Variants in PCDH15 observed in about 807,000 individuals in gnomAD.
The protein encoded by PCDH15 is protocadherin related 15.
Under a neutral mutation model 178.5 loss-of-function variants are expected in PCDH15, and 129 were observed. The ratio of observed to expected loss-of-function variants is 0.72; its 90% CI spans 0.63 to 0.84. The LOEUF (loss-of-function observed/expected upper bound fraction) is 0.84, where lower values mean the gene tolerates loss of function less well. Ranked by LOEUF, PCDH15 falls within the 40% of genes least tolerant of loss-of-function variation. PCDH15 has a pLI of 0.00. For synonymous variants in PCDH15, 800 were observed against 732.0 expected, an observed-to-expected ratio of 1.09 and a Z score of -1.50; for missense variants, 2,230 against 2,099.9, an observed-to-expected ratio of 1.06 and a Z score of -1.21.
At chr10:54,346,281 GAATAATAC>G in intron 6 of PCDH15, 76 bp downstream of exon 6, 1 of 1,346,786 alleles carries the variant, frequency 7.4e-7, no homozygotes, top group Non-Finnish European at 1.0e-6. Context: ...GGAAGTTACT[GAATAATAC>G]AATAACTATC....
At chr10:54,662,118 C>A (rs988978987) in intron 2 of PCDH15, among the ~76,000 whole-genome samples, 7 of 151,714 alleles carry the variant, frequency 4.6e-5, no homozygotes, top group African/African-American at 1.5e-4. Flanking sequence ...AAACAGACAA[C>A]CTATAGTATG....
chr10:54,369,306 A>G lies in PCDH15; in HGVS notation c.319-31T>C, dbSNP rs11594958. ...ATGTAGAAATTGCATCTTTTAAAAT[A>G]CTAATTAAAAACAAAGCTTCTCATC... is the stretch of plus-strand genomic sequence containing the variant. On this transcript the variant is annotated intron_variant, in intron 4 of 37. Transcript: ENST00000644397. 0.19 allele frequency: 311,135 copies of G among 1,602,738 alleles called. 30,982 individuals are homozygous for G. The highest frequency in any genetic ancestry group is 0.24 in the Middle Eastern group (1,434 of 5,966).
intron 2 of PCDH15, among the ~76,000 whole-genome samples, chr10:55,436,830 C>T (rs960952): frequency 0.77 from 117,015 of 152,142 alleles, 46,301 homozygotes; most frequent in East Asian, 1. Context: ...TAAGTGGGAG[C>T]ATTTACTGTG....
intron 3 of PCDH15, among the ~76,000 whole-genome samples, chr10:54,479,309 T>A (rs112730193): frequency 0.015 from 2,215 of 152,104 alleles, 65 homozygotes; most frequent in African/African-American, 0.051. Flanking sequence ...AGTCCTTTAG[T>A]GATGCTGCAT....
intron 2 of PCDH15, among the ~76,000 whole-genome samples, chr10:55,349,241 C>T (rs1194354289): frequency 6.6e-6 from 1 of 152,130 alleles, no homozygotes; most frequent in Non-Finnish European, 1.5e-5. Context: ...TCTACCTTTC[C>T]TAATCACCAG....
chr10:54,671,453 T>C (rs1453783792), intron 1 of PCDH15, among the ~76,000 whole-genome samples: 2 of 152,126 alleles, frequency 1.3e-5, no homozygotes, highest in Non-Finnish European at 1.5e-5. Context: ...ATAATAAAAG[T>C]CCTGGCTCTG....
At chr10:54,284,839 G>A (rs1307558467) in intron 8 of PCDH15, among the ~76,000 whole-genome samples, 1 of 152,098 alleles carries the variant, frequency 6.6e-6, no homozygotes, top group Non-Finnish European at 1.5e-5. Context: ...TTAATCAGGA[G>A]TAGAGTCTCT....
chr10:55,539,339 T>C (rs557657372), intron 2 of PCDH15, among the ~76,000 whole-genome samples: 2 of 152,122 alleles, frequency 1.3e-5, no homozygotes, highest in East Asian at 3.9e-4. Context: ...CATTTTACTA[T>C]CATTATCATC....
chr10:54,180,232 A>G (rs767677941), intron 13 of PCDH15, among the ~76,000 whole-genome samples: 1 of 152,224 alleles, frequency 6.6e-6, no homozygotes, highest in Non-Finnish European at 1.5e-5. Flanking sequence ...GGCTTTTTGA[A>G]AAAATCAAGT....
At chr10:55,292,704 C>A (rs972217002) in intron 1 of PCDH15, among the ~76,000 whole-genome samples, 1 of 152,094 alleles carries the variant, frequency 6.6e-6, no homozygotes, top group Non-Finnish European at 1.5e-5. Context: ...CCTTAAAGCT[C>A]GAAAATGATC....
intron 2 of PCDH15, among the ~76,000 whole-genome samples, chr10:54,974,363 G>A (rs1839014704): frequency 6.6e-6 from 1 of 151,666 alleles, no homozygotes; most frequent in Non-Finnish European, 1.5e-5. Context: ...ATATATGTAT[G>A]CATATAATTT....
At chr10:55,512,215 G>A (rs1483097790) in intron 2 of PCDH15, among the ~76,000 whole-genome samples, 1 of 152,062 alleles carries the variant, frequency 6.6e-6, no homozygotes, top group Non-Finnish European at 1.5e-5. Context: ...GCTATAAAAA[G>A]TTTGAGAATA....
intron 1 of PCDH15, among the ~76,000 whole-genome samples, chr10:54,721,066 AAATT>A (rs2132502759): frequency 6.6e-6 from 1 of 152,198 alleles, no homozygotes; most frequent in Non-Finnish European, 1.5e-5. Flanking sequence ...ATAAAATTAG[AAATT>A]AATACCAAGA....
At position 54,637,514 on chromosome 10, in the gene PCDH15, A is replaced by T. The variant is rs191813900; in HGVS notation, c.91+26658T>A. ...TCAATTTTATCAGTTAATAACAGTT[A>T]ATTGAGTACCACTCACAACACGCAC... On this transcript the variant is annotated intron_variant, in intron 2 of 37. Transcript: ENST00000644397. Among the ~76,000 whole-genome samples the T allele has an allele frequency of 4.5e-4, 69 of 152,118 alleles. 1 individual carries two copies. Among genetic ancestry groups the T allele is most frequent in the African/African-American group, 1.6e-3 (66 of 41,542 alleles).
In PCDH15 at chr10:54,861,894, A is replaced by G. The variant is rs1297741624; in HGVS notation, c.-29+35556T>C. 2.0e-5 allele frequency among the ~76,000 whole-genome samples: 3 copies of G among 152,196 alleles called. No individual in the cohort carries two copies. The East Asian group carries it at 5.8e-4, about 29-fold the overall frequency. On this transcript the variant is annotated intron_variant, in intron 3 of 5. Transcript: ENST00000458638. ...TGCTTCTCTCAGGAAATGACATTTT[A>G]GTGTGCATCTTTCAGGGAAGTGCAT... is the stretch of plus-strand genomic sequence containing the variant.
In PCDH15 at chr10:55,113,419, A is replaced by G. The variant is rs984605317; in HGVS notation, c.-80+53157T>C. On this transcript the variant is annotated intron_variant, in intron 2 of 5. Coordinates refer to the PCDH15 transcript ENST00000458638. ...TTTACATGCAAGTTCCATGCTAAAA[A>G]AAAAAAAGGAAGAATTATATTCTCC... Among the ~76,000 whole-genome samples, 4 of 152,164 alleles carry G rather than the reference A, an allele frequency of 2.6e-5. 1 individual carries two copies. In the South Asian group the frequency reaches 8.3e-4, roughly 32 times the overall value.
chr10:55,338,308 A>G (rs1365385446), intron 2 of PCDH15, among the ~76,000 whole-genome samples: 2 of 152,140 alleles, frequency 1.3e-5, no homozygotes, highest in Non-Finnish European at 2.9e-5. Flanking sequence ...TATATATCTG[A>G]AAAAAAGGAA....
chr10:55,057,903 A>T (rs1841342674), intron 2 of PCDH15, among the ~76,000 whole-genome samples: 1 of 152,104 alleles, frequency 6.6e-6, no homozygotes, highest in South Asian at 2.1e-4. Context: ...TACACATTTT[A>T]AGCTTATTAT....
intron 11 of PCDH15, among the ~76,000 whole-genome samples, chr10:54,188,667 A>T (rs2048691459): frequency 6.6e-6 from 1 of 151,910 alleles, no homozygotes; most frequent in Non-Finnish European, 1.5e-5. Context: ...ACACACAGGT[A>T]AACAAACATA....
Sources: allele counts gnomAD v4.1 joint callset (sites outside exome capture counted in the v4.1 genomes callset), GRCh38; gene constraint gnomAD v4.1.1; transcripts MANE v1.5; gene names NCBI Gene and HGNC (gene_info 2026-07-23, HGNC 2026-07-21).